SPON1: variants seen among roughly 807,000 people sequenced by gnomAD.
SPON1 encodes the protein spondin 1.
In SPON1, 52 loss-of-function variants were observed where a neutral mutation model predicts 111.7. That is an observed-to-expected ratio of 0.47 (90% CI 0.37 to 0.59). The LOEUF is 0.59. SPON1 is among the 20% of genes least tolerant of loss of function. SPON1 has a pLI of 0.00. For synonymous variants in SPON1, 410 were observed against 395.8 expected, an observed-to-expected ratio of 1.04 and a Z score of -0.43; for missense variants, 957 against 1,068.5, an observed-to-expected ratio of 0.90 and a Z score of 1.46.
At chr11:14,038,332 G>C (rs1848609332) in intron 2 of SPON1, among the ~76,000 whole-genome samples, 1 of 151,706 alleles carries the variant, frequency 6.6e-6, no homozygotes, top group Admixed American at 6.6e-5. Context: ...AGTCAGACGT[G>C]GTGGTGGGCA....
intron 5 of SPON1, among the ~76,000 whole-genome samples, chr11:14,081,313 C>T (rs1055989506): frequency 5.3e-5 from 8 of 152,082 alleles, no homozygotes; most frequent in East Asian, 1.9e-4. Context: ...AGCCACTCAG[C>T]GGCTAGTGGA....
At chr11:14,231,511 A>G (rs1329531811) in intron 6 of SPON1, among the ~76,000 whole-genome samples, 1 of 152,168 alleles carries the variant, frequency 6.6e-6, no homozygotes, top group African/African-American at 2.4e-5. Context: ...ACACAGTGAC[A>G]ATCCTCAGCC....
chr11:13,989,057 C>A (rs1848207745), intron 2 of SPON1, among the ~76,000 whole-genome samples: 1 of 152,134 alleles, frequency 6.6e-6, no homozygotes, highest in South Asian at 2.1e-4. Context: ...ATGATGCTGG[C>A]CTCATAAAAT....
intron 4 of SPON1, among the ~76,000 whole-genome samples, chr11:14,076,499 C>T (rs1054183188): frequency 1.3e-5 from 2 of 152,164 alleles, no homozygotes; most frequent in Admixed American, 1.3e-4. Flanking sequence ...TGCACAGCAG[C>T]CCTATATGGT....
chr11:14,004,163 A>ACG lies in SPON1; in HGVS notation c.345+21211_345+21212insGC, dbSNP rs201146981. Among the ~76,000 whole-genome samples the ACG allele has an allele frequency of 4.4e-3, 673 of 152,188 alleles. 4 individuals are homozygous for ACG. Among genetic ancestry groups the ACG allele is most frequent in the African/African-American group, 0.015 (617 of 41,518 alleles). On this transcript the variant is annotated intron_variant, in intron 2 of 15. Coordinates refer to ENST00000576479, the MANE Select transcript of SPON1 (RefSeq NM_006108.4). ...TTCCATTACACACACAGACACACAC[A>ACG]CACACATACACACACACACACGTGT...
chr11:14,149,006 C>T (rs1330490663), intron 6 of SPON1, among the ~76,000 whole-genome samples: 1 of 152,210 alleles, frequency 6.6e-6, no homozygotes, highest in Non-Finnish European at 1.5e-5. Context: ...TATAATGGAG[C>T]TAAAAATTCC....
chr11:14,032,336 A>G (rs188448912), intron 2 of SPON1, among the ~76,000 whole-genome samples: 71 of 152,188 alleles, frequency 4.7e-4, no homozygotes, highest in Non-Finnish European at 7.2e-4. Flanking sequence ...ATGTTTTCTG[A>G]TTTTCTACGA....
At chr11:14,211,364 C>T (rs538296829) in intron 6 of SPON1, among the ~76,000 whole-genome samples, 6 of 152,032 alleles carry the variant, frequency 3.9e-5, no homozygotes, top group East Asian at 1.9e-4. Context: ...AAATCATGAG[C>T]GAACTCCCAT....
chr11:14,017,716 T>C (rs895966518), intron 2 of SPON1, among the ~76,000 whole-genome samples: 1 of 152,214 alleles, frequency 6.6e-6, no homozygotes, highest in African/African-American at 2.4e-5. Flanking sequence ...TTTCCAAATA[T>C]TTGCAAAATT....
intron 7 of SPON1, among the ~76,000 whole-genome samples, chr11:14,251,613 C>T (rs1266497767): frequency 6.6e-6 from 1 of 152,190 alleles, no homozygotes; most frequent in Non-Finnish European, 1.5e-5. Context: ...CCCAAATCAC[C>T]TACTTAGGAA....
At chr11:14,219,869 C>T (rs781919815) in intron 6 of SPON1, among the ~76,000 whole-genome samples, 1 of 152,094 alleles carries the variant, frequency 6.6e-6, no homozygotes, top group Admixed American at 6.6e-5. Flanking sequence ...AAGATTATGG[C>T]TTATCATGAA....
intron 2 of SPON1, among the ~76,000 whole-genome samples, chr11:14,022,961 G>A (rs1848491679): frequency 6.6e-6 from 1 of 152,322 alleles, no homozygotes; most frequent in South Asian, 2.1e-4. Flanking sequence ...ATCTAAATTT[G>A]TTCCTCCCTC....
chr11:14,071,806 G>A (rs1554920937), intron 3 of SPON1, among the ~76,000 whole-genome samples: 2 of 152,048 alleles, frequency 1.3e-5, no homozygotes, highest in African/African-American at 4.8e-5. Flanking sequence ...CCACCTCCTG[G>A]GTTCAAGCGA....
Position 14,090,824 on chromosome 11 carries a change from G to GCCACCCCCCCCCCCCCCCCCC in SPON1, c.676+10805_676+10806insACCCCCCCCCCCCCCCCCCCC, listed in dbSNP as rs1849046497. The stretch of plus-strand genomic sequence containing the variant: ...CAGCCTGCTTTTATTCTCTTATCTG[G>GCCACCCCCCCCCCCCCCCCCC]CCCCCCCCCCCCCCCCCCCCGCCCA... On this transcript the variant is annotated intron_variant, in intron 5 of 15. Transcript: ENST00000576479. 1.1e-4 allele frequency among the ~76,000 whole-genome samples: 5 copies of GCCACCCCCCCCCCCCCCCCCC among 45,580 alleles called. 1 individual carries two copies. Among genetic ancestry groups the GCCACCCCCCCCCCCCCCCCCC allele is most frequent in the East Asian group, 2.4e-3 (1 of 410 alleles). The allele number at this position is 45,580 out of a possible 152,430, so 29.9% of individuals were successfully genotyped here.
chr11:14,040,209 C>T (rs1382877421), intron 2 of SPON1, among the ~76,000 whole-genome samples: 5 of 152,156 alleles, frequency 3.3e-5, no homozygotes, highest in African/African-American at 4.8e-5. Flanking sequence ...TTCATTACAT[C>T]AATATTTGTG....
chr11:14,040,728 A>C (rs1253952746), intron 2 of SPON1, among the ~76,000 whole-genome samples: 1 of 152,178 alleles, frequency 6.6e-6, no homozygotes, highest in African/African-American at 2.4e-5. Context: ...CACTCAATGA[A>C]TGTTATCTAG....
At chr11:14,082,323 A>C (rs1219967618) in intron 5 of SPON1, among the ~76,000 whole-genome samples, 1 of 152,188 alleles carries the variant, frequency 6.6e-6, no homozygotes, top group African/African-American at 2.4e-5. Flanking sequence ...TCCATTTTTG[A>C]CATGATGTCT....
At position 13,962,964 on chromosome 11, in the gene SPON1, G is replaced by A. The variant is rs370689489; in HGVS notation, c.60G>A (p.Ala20=). The A allele has an allele frequency of 3.1e-5, 49 of 1,590,924 alleles. No homozygotes were observed. In the African/African-American group the frequency reaches 6.5e-4, roughly 21 times the overall value. ...LSRTPALLAL[A]LPLAAALAFS... ...GGACTCCGGCACTGCTGGCCCTGGC[G>A]CTGCCCCTGGCCGCGGCGCTGGCCT... The change falls in exon 1 of 16, where the codon GCG becomes GCA. Residue 20 remains alanine, a synonymous_variant. Transcript: ENST00000576479.
intron 6 of SPON1, among the ~76,000 whole-genome samples, chr11:14,144,633 CCAATAA>C (rs1271649264): frequency 1.1e-4 from 14 of 123,980 alleles, no homozygotes; most frequent in South Asian, 2.7e-4. Context: ...GACTCCATCT[CCAATAA>C]TAATAATAAT....
Sources: gnomAD v4.1 joint callset for allele counts (sites outside exome capture counted in the v4.1 genomes callset) on GRCh38, gnomAD v4.1.1 for gene constraint, MANE v1.5 for transcripts, NCBI Gene and HGNC (gene_info 2026-07-23, HGNC 2026-07-21) for gene names.